The following STPG2 variants were observed in gnomAD, a reference collection of about 807,000 sequenced individuals.
The protein encoded by STPG2 is sperm-tail PG-rich repeat-containing protein 2.
STPG2 carries 56 observed loss-of-function variants against 54.2 expected under a neutral mutation model. The observed-to-expected ratio is 1.03, with a 90% confidence interval of 0.83 to 1.29. STPG2 has a LOEUF of 1.29. STPG2 is among the 50% of genes most tolerant of loss of function. The pLI is 0.00. For missense variants in STPG2, 596 were observed against 544.9 expected (o/e 1.09, Z -0.93); for synonymous variants, 200 against 181.8 (o/e 1.10, Z -0.81).
intron 5 of STPG2, among the ~76,000 whole-genome samples, chr4:98,101,593 T>C (rs762122868): frequency 2.4e-4 from 36 of 152,076 alleles, no homozygotes; most frequent in Non-Finnish European, 3.8e-4. Context: ...ACCTTAAATA[T>C]AGCCCAGTAC....
At chr4:97,870,548 T>A (rs895997858) in intron 8 of STPG2, among the ~76,000 whole-genome samples, 1 of 151,368 alleles carries the variant, frequency 6.6e-6, no homozygotes, top group African/African-American at 2.4e-5. Flanking sequence ...TTATAAAAAT[T>A]ACAATTCAAT....
intron 5 of STPG2, chr4:98,025,250 T>G (rs908302228): frequency 5.7e-6 from 1 of 176,644 alleles, no homozygotes; most frequent in Non-Finnish European, 1.2e-5. Context: ...GTATAAAGAA[T>G]AGCTTTGCTT....
intron 4 of STPG2, among the ~76,000 whole-genome samples, chr4:97,479,875 T>C (rs1029370431): frequency 1.3e-5 from 2 of 151,870 alleles, no homozygotes; most frequent in African/African-American, 4.8e-5. Flanking sequence ...TTCCTACAAT[T>C]GAACCAGCTT....
At chr4:97,831,263 T>C (rs1003044951) in intron 9 of STPG2, among the ~76,000 whole-genome samples, 6 of 152,188 alleles carry the variant, frequency 3.9e-5, no homozygotes, top group African/African-American at 1.4e-4. Flanking sequence ...AATCTGCTCC[T>C]GAATGAATAC....
intron 10 of STPG2, among the ~76,000 whole-genome samples, 172 bp from the exon 11 acceptor site, chr4:97,559,289 C>A (rs1330564524): frequency 6.6e-6 from 1 of 152,072 alleles, no homozygotes; most frequent in Admixed American, 6.6e-5. Flanking sequence ...TTACTTCGTT[C>A]AAAAATTAAT....
intron 8 of STPG2, among the ~76,000 whole-genome samples, chr4:97,923,821 T>C (rs1732227152): frequency 6.6e-6 from 1 of 152,194 alleles, no homozygotes; most frequent in Non-Finnish European, 1.5e-5. Context: ...GGAGAACTTT[T>C]ATGTCTAGCT....
chr4:97,766,704 T>C (rs1007813776), intron 9 of STPG2, among the ~76,000 whole-genome samples: 7 of 152,082 alleles, frequency 4.6e-5, no homozygotes, highest in Non-Finnish European at 7.4e-5. Flanking sequence ...CTTGCTTTTA[T>C]GAGAAAAATA....
intron 2 of STPG2, among the ~76,000 whole-genome samples, chr4:98,132,901 G>C (rs1000689587): frequency 7.5e-6 from 1 of 132,820 alleles, no homozygotes; most frequent in South Asian, 2.3e-4. Context: ...TAAAGCTGTA[G>C]AGCAAGAATA....
rs148668345 is a variant in STPG2 at position 97,586,956 on chromosome 4, T to G, written c.1321-27839A>C. Among the ~76,000 whole-genome samples, 82 of 152,062 alleles carry G rather than the reference T, an allele frequency of 5.4e-4. 2 individuals are homozygous for G. The East Asian group carries it at 0.013, about 24-fold the overall frequency. ...TCTCATGAGTTTTATAAATCACATT[T>G]GATGATTAAAACAAAAATTATAACA... On this transcript the variant is annotated intron_variant, in intron 10 of 10. Transcript: ENST00000295268.
intron 4 of STPG2, among the ~76,000 whole-genome samples, chr4:97,513,004 T>C (rs1253901996): frequency 6.6e-6 from 1 of 152,090 alleles, no homozygotes; most frequent in African/African-American, 2.4e-5. Flanking sequence ...CTGCCCCTAC[T>C]TCAGATGCTG....
chr4:97,628,592 T>G lies in STPG2; in HGVS notation c.1321-69475A>C, dbSNP rs1206163586. Among the ~76,000 whole-genome samples, 3 of 152,162 alleles carry G rather than the reference T, an allele frequency of 2.0e-5. No individual in the cohort carries two copies. In the East Asian group the frequency reaches 5.8e-4, roughly 29 times the overall value. On this transcript the variant is annotated intron_variant, in intron 10 of 10. Coordinates refer to ENST00000295268, the MANE Select transcript of STPG2 (RefSeq NM_174952.3). ...CTTAGCAATTAATGTGTTACTATAT[T>G]TCATCAATTGCAAGAAGCTTATGTT...
intron 7 of STPG2, among the ~76,000 whole-genome samples, chr4:97,950,544 G>A (rs905637636): frequency 2.0e-5 from 3 of 151,766 alleles, no homozygotes; most frequent in African/African-American, 7.3e-5. Flanking sequence ...GTATCTCCTT[G>A]AATACCTTAG....
intron 8 of STPG2, among the ~76,000 whole-genome samples, chr4:97,861,841 G>A (rs992474472): frequency 5.9e-5 from 9 of 152,028 alleles, no homozygotes; most frequent in African/African-American, 2.2e-4. Context: ...AAGTGAAGGA[G>A]AAATAAAATC....
intron 9 of STPG2, among the ~76,000 whole-genome samples, chr4:97,808,310 T>G (rs1727633662): frequency 6.6e-6 from 1 of 151,908 alleles, no homozygotes; most frequent in South Asian, 2.1e-4. Flanking sequence ...ATGAAAATAA[T>G]AGCAGAAATT....
At chr4:97,980,841 C>T (rs900899865) in intron 6 of STPG2, among the ~76,000 whole-genome samples, 3 of 151,978 alleles carry the variant, frequency 2.0e-5, no homozygotes, top group Admixed American at 1.3e-4. Flanking sequence ...AATTATATTA[C>T]TAATGGTGAC....
intron 4 of STPG2, among the ~76,000 whole-genome samples, chr4:97,447,151 C>T (rs1227041883): frequency 6.6e-6 from 1 of 152,146 alleles, no homozygotes; most frequent in African/African-American, 2.4e-5. Context: ...ATTACTCTTG[C>T]TATGCTTTAG....
chr4:98,136,975 T>G (rs1347376233), intron 1 of STPG2, among the ~76,000 whole-genome samples: 4 of 151,726 alleles, frequency 2.6e-5, no homozygotes, highest in Non-Finnish European at 5.9e-5. Flanking sequence ...GGAAAGCAAA[T>G]AGCAAAAGAG....
At chr4:97,477,434 C>T (rs1730099231) in intron 4 of STPG2, among the ~76,000 whole-genome samples, 1 of 151,102 alleles carries the variant, frequency 6.6e-6, no homozygotes, top group Non-Finnish European at 1.5e-5. Context: ...AATCTATCCC[C>T]AATCATCAGG....
At chr4:97,704,948 G>GA (rs1723894525) in intron 10 of STPG2, among the ~76,000 whole-genome samples, 1 of 151,816 alleles carries the variant, frequency 6.6e-6, no homozygotes, top group South Asian at 2.1e-4. Context: ...AAAAAATATG[G>GA]AAAAAATATC....
Sources: allele counts gnomAD v4.1 joint callset (sites outside exome capture counted in the v4.1 genomes callset), GRCh38; gene constraint gnomAD v4.1.1; transcripts MANE v1.5; gene names NCBI Gene and HGNC (gene_info 2026-07-23, HGNC 2026-07-21).